TSPAN18: variants seen among roughly 807,000 people sequenced by gnomAD.
TSPAN18 encodes the protein tetraspanin-18.
TSPAN18 carries 14 observed loss-of-function variants against 27.3 expected under a neutral mutation model. That is an observed-to-expected ratio of 0.51 (90% CI 0.34 to 0.80). TSPAN18 has a LOEUF of 0.80. TSPAN18 is among the 30% of genes least tolerant of loss of function. The pLI is 0.01. For missense variants in TSPAN18, 268 were observed against 323.9 expected (o/e 0.83, Z 1.32); for synonymous variants, 143 against 136.5 (o/e 1.05, Z -0.33).
At chr11:44,753,342 G>C (rs1484962834) in intron 1 of TSPAN18, among the ~76,000 whole-genome samples, 1 of 152,148 alleles carries the variant, frequency 6.6e-6, no homozygotes, top group African/African-American at 2.4e-5. Context: ...ATGTTGGCCA[G>C]GATGGTCTTG....
intron 3 of TSPAN18, among the ~76,000 whole-genome samples, chr11:44,882,417 T>C (rs929339226): frequency 1.2e-4 from 19 of 152,086 alleles, no homozygotes; most frequent in African/African-American, 4.6e-4. Flanking sequence ...GGTTCACACA[T>C]GCAGAGCCTC....
At chr11:44,801,283 T>C (rs1485119211) in intron 2 of TSPAN18, among the ~76,000 whole-genome samples, 2 of 152,202 alleles carry the variant, frequency 1.3e-5, no homozygotes, top group Non-Finnish European at 2.9e-5. Context: ...CAGAAAGACT[T>C]TTGCAGAACA....
intron 2 of TSPAN18, among the ~76,000 whole-genome samples, chr11:44,783,481 C>T (rs1303770946): frequency 6.6e-6 from 1 of 151,464 alleles, no homozygotes; most frequent in African/African-American, 2.4e-5. Flanking sequence ...TCACTGCAAC[C>T]TCCACCTTCT....
chr11:44,758,011 C>CT (rs1346445356), intron 1 of TSPAN18, among the ~76,000 whole-genome samples: 1 of 151,992 alleles, frequency 6.6e-6, no homozygotes, highest in Admixed American at 6.6e-5. Flanking sequence ...GTTGTCTGGG[C>CT]TTTTAGTGTC....
intron 2 of TSPAN18, among the ~76,000 whole-genome samples, chr11:44,803,054 G>A (rs989962257): frequency 1.3e-5 from 2 of 152,140 alleles, no homozygotes; most frequent in Admixed American, 6.5e-5. Context: ...CCTACTAGGT[G>A]TTAAAAGTTA....
chr11:44,882,205 G>A (rs1025789570), intron 3 of TSPAN18, among the ~76,000 whole-genome samples: 1 of 152,128 alleles, frequency 6.6e-6, no homozygotes, highest in African/African-American at 2.4e-5. Flanking sequence ...CATTCCCCTA[G>A]AAGCGCAGCA....
At chr11:44,791,069 G>T (rs934383536) in intron 2 of TSPAN18, among the ~76,000 whole-genome samples, 3 of 152,204 alleles carry the variant, frequency 2.0e-5, no homozygotes, top group African/African-American at 7.2e-5. Flanking sequence ...CCATGGCCTG[G>T]TGTCCAGTCT....
At chr11:44,749,258 C>T (rs1175220293) in intron 1 of TSPAN18, among the ~76,000 whole-genome samples, 2 of 152,186 alleles carry the variant, frequency 1.3e-5, no homozygotes, top group Admixed American at 6.5e-5. Context: ...GCTCAGGTTC[C>T]CCATTTGCGA....
chr11:44,769,458 T>C (rs566668736), intron 2 of TSPAN18, among the ~76,000 whole-genome samples: 1 of 152,362 alleles, frequency 6.6e-6, no homozygotes, highest in Non-Finnish European at 1.5e-5. Context: ...TGGAAGAGAT[T>C]ATTGAGAATT....
chr11:44,903,536 C>G (rs1453446793), intron 3 of TSPAN18: 6 of 456,286 alleles, frequency 1.3e-5, no homozygotes, highest in African/African-American at 2.0e-5. Flanking sequence ...CTCCTTCTGG[C>G]AGCAGGGAAG....
chr11:44,893,878 C>A (rs572357282), intron 3 of TSPAN18, among the ~76,000 whole-genome samples: 3 of 152,206 alleles, frequency 2.0e-5, no homozygotes, highest in Non-Finnish European at 4.4e-5. Flanking sequence ...TAGGCTCTCC[C>A]GACCCCAGCC....
At chr11:44,792,388 G>A (rs963142107) in intron 2 of TSPAN18, among the ~76,000 whole-genome samples, 3 of 152,184 alleles carry the variant, frequency 2.0e-5, no homozygotes, top group African/African-American at 7.2e-5. Context: ...TCCCAGGGCT[G>A]GAGCCAAGTT....
rs534556007 is a variant in TSPAN18, at chr11:44,835,721, G to T, written c.-152-24607G>T. Among the ~76,000 whole-genome samples, 223 of 152,262 alleles carry T rather than the reference G, an allele frequency of 1.5e-3. 4 individuals carry two copies. The highest frequency in any genetic ancestry group is 0.014 in the Admixed American group (221 of 15,284). On this transcript the variant is annotated intron_variant, in intron 2 of 9. Coordinates refer to ENST00000520358, the MANE Select transcript of TSPAN18 (RefSeq NM_130783.5). ...GTTTATTGTGTTTTTGTTTATTTTTGCAAATGGAAGCTTTGTGGCAACTGT... is the reference window on the plus strand; with the variant it reads ...GTTTATTGTGTTTTTGTTTATTTTTTCAAATGGAAGCTTTGTGGCAACTGT...
At chr11:44,919,730 C>G (rs997959561) in intron 7 of TSPAN18, 87 bp from the exon 8 acceptor site, 20 of 1,354,770 alleles carry the variant, frequency 1.5e-5, no homozygotes, top group Non-Finnish European at 2.1e-6. Context: ...TGATGCCACT[C>G]CTTTGCAGAG....
intron 2 of TSPAN18, among the ~76,000 whole-genome samples, chr11:44,808,655 C>T (rs1329433740): frequency 6.6e-6 from 1 of 152,168 alleles, no homozygotes; most frequent in Non-Finnish European, 1.5e-5. Context: ...GCAATTTGAA[C>T]ATGAAGTTAC....
chr11:44,893,973 C>G (rs560449593), intron 3 of TSPAN18, among the ~76,000 whole-genome samples: 1 of 152,278 alleles, frequency 6.6e-6, no homozygotes, highest in South Asian at 2.1e-4. Context: ...ACACTTCTCT[C>G]CAAGTAGGGA....
At chr11:44,815,528 G>T (rs1169487212) in intron 2 of TSPAN18, among the ~76,000 whole-genome samples, 2 of 152,144 alleles carry the variant, frequency 1.3e-5, no homozygotes, top group African/African-American at 4.8e-5. Flanking sequence ...GTGAAGGGGG[G>T]TCTGGGGAGT....
At chr11:44,808,474 C>G (rs552746129) in intron 2 of TSPAN18, among the ~76,000 whole-genome samples, 1 of 152,330 alleles carries the variant, frequency 6.6e-6, no homozygotes, top group African/African-American at 2.4e-5. Context: ...AGGCTCTGCT[C>G]ATTTCCCCTG....
chr11:44,858,030 T>G (rs1411088542), intron 2 of TSPAN18, among the ~76,000 whole-genome samples: 2 of 152,256 alleles, frequency 1.3e-5, no homozygotes, highest in Non-Finnish European at 2.9e-5. Context: ...ATCCAGTCTA[T>G]TTCACAGCCG....
Sources: gnomAD v4.1 joint callset for allele counts (sites outside exome capture counted in the v4.1 genomes callset) on GRCh38, gnomAD v4.1.1 for gene constraint, MANE v1.5 for transcripts, NCBI Gene and HGNC (gene_info 2026-07-23, HGNC 2026-07-21) for gene names.